The following RGS5 variants were observed in gnomAD, a reference collection of about 807,000 sequenced individuals.
The protein encoded by RGS5 is regulator of G protein signaling 5.
In RGS5, 20 loss-of-function variants were observed where a neutral mutation model predicts 18.9. The ratio of observed to expected loss-of-function variants is 1.06; its 90% CI spans 0.74 to 1.54. RGS5 has a LOEUF of 1.54. Among genes scored for constraint, RGS5 ranks in the 40% most tolerant of loss-of-function variants. RGS5 has a pLI of 0.00. For missense variants in RGS5, 201 were observed against 211.8 expected, an observed-to-expected ratio of 0.95 and a Z score of 0.32; for synonymous variants, 57 against 76.2, an observed-to-expected ratio of 0.75 and a Z score of 1.31.
intron 2 of RGS5, among the ~76,000 whole-genome samples, chr1:163,240,757 T>G (rs2101691058): frequency 6.6e-6 from 1 of 152,266 alleles, no homozygotes; most frequent in Admixed American, 6.5e-5. Flanking sequence ...ACTCAAGTGA[T>G]CCTCCAGCCT....
At chr1:163,265,405 C>T (rs970135985) in intron 2 of RGS5, among the ~76,000 whole-genome samples, 1 of 152,132 alleles carries the variant, frequency 6.6e-6, no homozygotes, top group Admixed American at 6.6e-5. Flanking sequence ...TTCCATACTT[C>T]CTACATCTGC....
At chr1:163,194,063 T>C (rs1344123106) in intron 1 of RGS5, among the ~76,000 whole-genome samples, 1 of 152,192 alleles carries the variant, frequency 6.6e-6, no homozygotes, top group Non-Finnish European at 1.5e-5. Flanking sequence ...GCAAGCATCA[T>C]ACACTGTTAG....
At position 163,307,676 on chromosome 1, in the gene RGS5, G is replaced by A. The variant is rs576642126; in HGVS notation, c.-377-1347C>T. On this transcript the variant is annotated intron_variant, in intron 1 of 5. Transcript: ENST00000618415. ...TGATTGGTTCAGTGATGAGATCTGC[G>A]GCCAAAAGCAATGTCTAGTACATGA... Among the ~76,000 whole-genome samples the A allele has an allele frequency of 2.0e-4, 30 of 151,992 alleles. No individual in the cohort carries two copies. In the South Asian group the frequency reaches 6.0e-3, roughly 31 times the overall value.
At chr1:163,147,651 G>A in intron 4 of RGS5, 148 bp from the exon 5 acceptor site, 3 of 729,954 alleles carry the variant, frequency 4.1e-6, no homozygotes, top group Non-Finnish European at 6.2e-6. Flanking sequence ...CACTTTATAG[G>A]CGATGGGATA....
At chr1:163,264,985 A>G (rs957051126) in intron 2 of RGS5, among the ~76,000 whole-genome samples, 1 of 152,078 alleles carries the variant, frequency 6.6e-6, no homozygotes, top group Non-Finnish European at 1.5e-5. Flanking sequence ...CCACTTGTGC[A>G]CTTGGAATGC....
intron 1 of RGS5, among the ~76,000 whole-genome samples, chr1:163,188,951 CAAA>C (rs34767004): frequency 0.02 from 1,568 of 77,604 alleles, 35 homozygotes; most frequent in African/African-American, 0.071. Flanking sequence ...GACCCCATCT[CAAA>C]AAAAAAAAAA....
At position 163,307,408 on chromosome 1, in the gene RGS5, C is replaced by CT. The variant is rs565232202; in HGVS notation, c.-377-1080dup. ...TTTATGTGTGACATGAAAGTGAGAA[C>CT]TTTTTTTTTTAACAGAAAGGAAATA... On this transcript the variant is annotated intron_variant, in intron 1 of 5. Coordinates refer to the RGS5 transcript ENST00000618415. Among the ~76,000 whole-genome samples, 26 of 149,352 alleles carry CT rather than the reference C, an allele frequency of 1.7e-4. No individual in the cohort carries two copies. In the East Asian group the frequency reaches 2.5e-3, roughly 15 times the overall value.
intron 2 of RGS5, among the ~76,000 whole-genome samples, chr1:163,239,849 C>A (rs534059590): frequency 6.6e-6 from 1 of 152,268 alleles, no homozygotes; most frequent in African/African-American, 2.4e-5. Context: ...TTTTGCATAA[C>A]ATGGCACTAA....
At chr1:163,169,945 A>C (rs1457499969) in intron 1 of RGS5, among the ~76,000 whole-genome samples, 1 of 152,164 alleles carries the variant, frequency 6.6e-6, no homozygotes, top group African/African-American at 2.4e-5. Flanking sequence ...TTGTATCTTC[A>C]GTATTTTAGT....
At chr1:163,171,055 A>G (rs796592630) in intron 1 of RGS5, among the ~76,000 whole-genome samples, 25 of 152,278 alleles carry the variant, frequency 1.6e-4, no homozygotes, top group African/African-American at 6.0e-4. Flanking sequence ...GTTAGTTCTA[A>G]CTACACAATC....
chr1:163,157,818 C>T lies in RGS5; in HGVS notation c.217+4097G>A, dbSNP rs190905258. Among the ~76,000 whole-genome samples the T allele has an allele frequency of 3.7e-3, 570 of 152,210 alleles. 12 individuals are homozygous for T. Among genetic ancestry groups the T allele is most frequent in the South Asian group, 0.035 (171 of 4,822 alleles). ...TGCTGGGCTCAAGCCATCGTCCTGC[C>T]TCACACCTGGCTAATTTTCTTTCTT... On this transcript the variant is annotated intron_variant, in intron 3 of 4. Coordinates refer to ENST00000313961, the MANE Select transcript of RGS5 (RefSeq NM_003617.4).
chr1:163,235,461 C>G (rs763461414), intron 2 of RGS5, among the ~76,000 whole-genome samples: 1 of 152,194 alleles, frequency 6.6e-6, no homozygotes, highest in African/African-American at 2.4e-5. Context: ...CCTCCAGCCA[C>G]GGACATGTTG....
intron 3 of RGS5, among the ~76,000 whole-genome samples, chr1:163,158,439 C>T (rs865786595): frequency 7.9e-5 from 12 of 152,226 alleles, no homozygotes; most frequent in Admixed American, 2.0e-4. Flanking sequence ...CGATATTTCA[C>T]GTAGCTTCTT....
At chr1:163,233,795 T>C (rs1647545466) in intron 2 of RGS5, among the ~76,000 whole-genome samples, 2 of 152,088 alleles carry the variant, frequency 1.3e-5, no homozygotes, top group Admixed American at 6.5e-5. Flanking sequence ...ACAAAGTACA[T>C]TCACAAGGGC....
intron 2 of RGS5, among the ~76,000 whole-genome samples, chr1:163,168,038 T>A (rs1055367672): frequency 1.3e-5 from 2 of 152,174 alleles, no homozygotes; most frequent in Non-Finnish European, 2.9e-5. Flanking sequence ...GTCTTATCTT[T>A]TATTTTTTAT....
chr1:163,313,436 A>T (rs895743124), intron 1 of RGS5, among the ~76,000 whole-genome samples: 2 of 152,124 alleles, frequency 1.3e-5, no homozygotes, highest in African/African-American at 4.8e-5. Context: ...CTCTCTTTGG[A>T]GTGATAGGAG....
intron 2 of RGS5, among the ~76,000 whole-genome samples, chr1:163,255,455 A>T (rs1314468985): frequency 1.3e-5 from 2 of 152,310 alleles, no homozygotes; most frequent in East Asian, 3.9e-4. Flanking sequence ...GCTCTGAAAT[A>T]GTGGCAATAA....
chr1:163,250,613 T>C (rs897555870), intron 2 of RGS5, among the ~76,000 whole-genome samples: 3 of 152,208 alleles, frequency 2.0e-5, no homozygotes, highest in African/African-American at 7.2e-5. Flanking sequence ...TTTCAAGATT[T>C]GGCCTTCAGA....
At chr1:163,174,631 G>A (rs774938923) in intron 1 of RGS5, among the ~76,000 whole-genome samples, 2 of 152,186 alleles carry the variant, frequency 1.3e-5, no homozygotes, top group Non-Finnish European at 2.9e-5. Flanking sequence ...GTCAAGTGGG[G>A]CATTTAGTTC....
Sources: gnomAD v4.1 joint callset for allele counts (sites outside exome capture counted in the v4.1 genomes callset) on GRCh38, gnomAD v4.1.1 for gene constraint, MANE v1.5 for transcripts, NCBI Gene and HGNC (gene_info 2026-07-23, HGNC 2026-07-21) for gene names.